SLC16A10: variants seen among roughly 807,000 people sequenced by gnomAD.
The protein encoded by SLC16A10 is solute carrier family 16 member 10.
SLC16A10 carries 27 observed loss-of-function variants against 40.0 expected under a neutral mutation model. The ratio of observed to expected loss-of-function variants is 0.67; its 90% CI spans 0.50 to 0.93. SLC16A10 has a LOEUF of 0.93. SLC16A10 is among the 40% of genes least tolerant of loss of function. SLC16A10 has a pLI of 0.00. For synonymous variants in SLC16A10, 213 were observed against 249.8 expected, an observed-to-expected ratio of 0.85 and a Z score of 1.39; for missense variants, 529 against 658.2, an observed-to-expected ratio of 0.80 and a Z score of 2.15.
chr6:111,126,558 T>C (rs564870843), intron 1 of SLC16A10, among the ~76,000 whole-genome samples: 1 of 152,306 alleles, frequency 6.6e-6, no homozygotes, highest in South Asian at 2.1e-4. Context: ...TTACCACGTT[T>C]CTTTTTGATC....
At chr6:111,101,240 C>T (rs551546332) in intron 1 of SLC16A10, among the ~76,000 whole-genome samples, 3 of 151,918 alleles carry the variant, frequency 2.0e-5, no homozygotes, top group Non-Finnish European at 4.4e-5. Flanking sequence ...CCTTGTTGCC[C>T]AGGCTGGTCC....
chr6:111,148,707 C>T (rs1772121441), intron 1 of SLC16A10, among the ~76,000 whole-genome samples: 1 of 152,226 alleles, frequency 6.6e-6, no homozygotes, highest in Admixed American at 6.5e-5. Context: ...ACAATGTATG[C>T]TCTAGACTGG....
intron 1 of SLC16A10, among the ~76,000 whole-genome samples, chr6:111,158,898 C>G (rs1156390407): frequency 6.6e-6 from 1 of 151,620 alleles, no homozygotes; most frequent in East Asian, 1.9e-4. Flanking sequence ...CCAGCCTGAG[C>G]TATAAGGCAA....
intron 1 of SLC16A10, among the ~76,000 whole-genome samples, chr6:111,099,267 T>C (rs75676451): frequency 0.018 from 2,785 of 152,296 alleles, 79 homozygotes; most frequent in African/African-American, 0.063. Context: ...TTTTTATGCA[T>C]AATTATATAG....
At chr6:111,149,134 C>G (rs920948783) in intron 1 of SLC16A10, among the ~76,000 whole-genome samples, 2 of 152,162 alleles carry the variant, frequency 1.3e-5, no homozygotes, top group African/African-American at 4.8e-5. Context: ...TTCAAGCATT[C>G]TGGCAAGTTA....
Position 111,229,814 on chromosome 6 carries a change from A to G in SLC16A10, c.*7579A>G, listed in dbSNP as rs1230708273. The G allele has an allele frequency of 6.6e-6, 1 of 152,072 alleles. No individual in the cohort carries two copies. Among genetic ancestry groups the G allele is most frequent in the Non-Finnish European group, 1.5e-5 (1 of 68,050 alleles). 9.4% of individuals were successfully genotyped at this position (152,072 alleles called of 1,614,324 possible). ...TTGTGTAACACCTAAGTAAAATAAC[A>G]TATGGGTCTCCTTGGCCAGGCGCCG... On this transcript the variant is annotated 3_prime_UTR_variant, in exon 6 of 6. Transcript: ENST00000368851.
chr6:111,175,705 AT>A (rs35809166), intron 2 of SLC16A10, among the ~76,000 whole-genome samples: 177 of 144,694 alleles, frequency 1.2e-3, no homozygotes, highest in Admixed American at 1.5e-3. Context: ...GCAGAACCAC[AT>A]TTTTTTTTTT....
rs111667457 is a variant in SLC16A10, at chr6:111,132,938, A to C, written c.344-39757A>C. 2.6e-3 allele frequency among the ~76,000 whole-genome samples: 390 copies of C among 152,348 alleles called. 2 individuals carry two copies. Among genetic ancestry groups the C allele is most frequent in the African/African-American group, 8.9e-3 (369 of 41,582 alleles). On this transcript the variant is annotated intron_variant, in intron 1 of 5. Coordinates refer to ENST00000368851, the MANE Select transcript of SLC16A10 (RefSeq NM_018593.5). ...CTATTTGCACTCAGCCAAGCCTTAA[A>C]GTGTTTACAGAATCAAAAAAACTCA...
chr6:111,203,751 T>TAAAAAAAA (rs775898969), intron 3 of SLC16A10, among the ~76,000 whole-genome samples: 1 of 147,678 alleles, frequency 6.8e-6, no homozygotes, highest in South Asian at 2.2e-4. Context: ...AATAAATAAA[T>TAAAAAAAA]AAAATAATGC....
chr6:111,158,301 TG>T (rs1025281328), intron 1 of SLC16A10, among the ~76,000 whole-genome samples: 1 of 152,220 alleles, frequency 6.6e-6, no homozygotes, highest in Non-Finnish European at 1.5e-5. Context: ...AGCTTTTTTC[TG>T]GTAAAGTGAT....
At chr6:111,090,199 T>G (rs2114420848) in intron 1 of SLC16A10, among the ~76,000 whole-genome samples, 2 of 152,312 alleles carry the variant, frequency 1.3e-5, no homozygotes, top group Middle Eastern at 3.4e-3. Context: ...TTTTCAGTCA[T>G]GTTTGTGTAT....
At chr6:111,133,676 C>T (rs1210224561) in intron 1 of SLC16A10, among the ~76,000 whole-genome samples, 2 of 152,204 alleles carry the variant, frequency 1.3e-5, no homozygotes, top group Admixed American at 6.5e-5. Flanking sequence ...TTATGCCCTA[C>T]AGGAAGCCCT....
chr6:111,150,536 G>T (rs997505145), intron 1 of SLC16A10, among the ~76,000 whole-genome samples: 10 of 152,186 alleles, frequency 6.6e-5, no homozygotes, highest in Non-Finnish European at 1.5e-5. Flanking sequence ...ATGAGGGCTG[G>T]TGTAGCAGTT....
At chr6:111,116,406 C>T (rs1200948291) in intron 1 of SLC16A10, among the ~76,000 whole-genome samples, 8 of 151,894 alleles carry the variant, frequency 5.3e-5, no homozygotes, top group Admixed American at 1.3e-4. Flanking sequence ...TTAGTAGAGA[C>T]GGGGTTTCAC....
At chr6:111,144,867 C>T (rs893985246) in intron 1 of SLC16A10, among the ~76,000 whole-genome samples, 22 of 152,178 alleles carry the variant, frequency 1.4e-4, no homozygotes, top group Admixed American at 7.2e-4. Context: ...TTTCCTGAGA[C>T]GGAGTCTCCC....
intron 3 of SLC16A10, among the ~76,000 whole-genome samples, chr6:111,194,127 T>C (rs1244876252): frequency 6.6e-6 from 1 of 152,230 alleles, no homozygotes; most frequent in Non-Finnish European, 1.5e-5. Context: ...AGGTTGAGTT[T>C]ATAGGCTAGC....
chr6:111,197,262 T>A (rs1225593849), intron 3 of SLC16A10, among the ~76,000 whole-genome samples: 1 of 152,192 alleles, frequency 6.6e-6, no homozygotes, highest in African/African-American at 2.4e-5. Flanking sequence ...TTAGCCTAAA[T>A]CTTAGTGAAG....
At chr6:111,103,948 GTGGGGCTA>G (rs1771235522) in intron 1 of SLC16A10, among the ~76,000 whole-genome samples, 1 of 152,292 alleles carries the variant, frequency 6.6e-6, no homozygotes, top group Admixed American at 6.5e-5. Flanking sequence ...TGTGTTTTAG[GTGGGGCTA>G]CTAAGGCTAG....
chr6:111,204,837 A>G (rs1022767928), intron 3 of SLC16A10, among the ~76,000 whole-genome samples: 4 of 152,196 alleles, frequency 2.6e-5, no homozygotes, highest in Non-Finnish European at 4.4e-5. Flanking sequence ...GACCTATATG[A>G]TAATAATCGA....
Sources: allele counts gnomAD v4.1 joint callset (sites outside exome capture counted in the v4.1 genomes callset), GRCh38; gene constraint gnomAD v4.1.1; transcripts MANE v1.5; gene names NCBI Gene and HGNC (gene_info 2026-07-23, HGNC 2026-07-21).